Variants in SPINT2 observed in about 807,000 individuals in gnomAD.
SPINT2 encodes kunitz-type protease inhibitor 2.
A neutral mutation model predicts 30.1 loss-of-function variants in SPINT2; 18 were observed. The ratio of observed to expected loss-of-function variants is 0.60; its 90% CI spans 0.41 to 0.89. SPINT2 has a LOEUF of 0.89. Among genes scored for constraint, SPINT2 ranks in the 40% least tolerant of loss-of-function variants. SPINT2 has a pLI of 0.00. For synonymous variants in SPINT2, 139 were observed against 137.9 expected, an observed-to-expected ratio of 1.01 and a Z score of -0.05; for missense variants, 276 against 334.3, an observed-to-expected ratio of 0.83 and a Z score of 1.36.
intron 1 of SPINT2, among the ~76,000 whole-genome samples, chr19:38,282,578 CAAG>C (rs2146274143): frequency 6.6e-6 from 1 of 152,320 alleles, no homozygotes; most frequent in East Asian, 1.9e-4. Flanking sequence ...CGACCTTTTG[CAAG>C]AAGTGTTTCT....
At chr19:38,276,249 C>T (rs1352132869) in intron 1 of SPINT2, among the ~76,000 whole-genome samples, 3 of 152,132 alleles carry the variant, frequency 2.0e-5, no homozygotes, top group Non-Finnish European at 4.4e-5. Flanking sequence ...CTGTCCTGCA[C>T]GTGGTGAGGC....
chr19:38,285,028 A>G (rs1033079672), intron 2 of SPINT2, among the ~76,000 whole-genome samples: 1 of 152,046 alleles, frequency 6.6e-6, no homozygotes, highest in Non-Finnish European at 1.5e-5. Flanking sequence ...TATTTGGGTT[A>G]TTTTTAATTG....
At chr19:38,270,246 T>A (rs1857571287) in intron 1 of SPINT2, among the ~76,000 whole-genome samples, 1 of 152,208 alleles carries the variant, frequency 6.6e-6, no homozygotes, top group Admixed American at 6.5e-5. Context: ...GTGTTGGCGA[T>A]CAGCTGGGAA....
intron 1 of SPINT2, among the ~76,000 whole-genome samples, chr19:38,270,560 A>C (rs1968442537): frequency 6.6e-6 from 1 of 152,242 alleles, no homozygotes; most frequent in Non-Finnish European, 1.5e-5. Flanking sequence ...TTAGCACTGA[A>C]AATGGGGGCT....
chr19:38,288,186 G>A (rs1968665868), intron 3 of SPINT2, among the ~76,000 whole-genome samples: 1 of 152,170 alleles, frequency 6.6e-6, no homozygotes, highest in African/African-American at 2.4e-5. Context: ...TCTCCTCCTG[G>A]AGGATGGGAT....
intron 1 of SPINT2, chr19:38,265,566 C>T (rs947159126): frequency 6.5e-6 from 1 of 152,736 alleles, no homozygotes; most frequent in Non-Finnish European, 1.5e-5. Context: ...GGAAGCTCTG[C>T]TAAGGCTCGA....
rs189611880 is a variant in SPINT2 at position 38,290,802 on chromosome 19, C to T, written c.592+227C>T. 2,051 of 646,498 alleles carry T rather than the reference C, an allele frequency of 3.2e-3. 62 individuals carry two copies. The Admixed American group carries it at 0.044, about 14-fold the overall frequency. 40.0% of individuals were successfully genotyped at this position (646,498 alleles called of 1,614,324 possible). A position where few individuals can be genotyped will look rare whatever the true frequency, so the allele number is the denominator to read the frequency against. ...CACAAGGCAGGCCCTGCCCAGGCGG[C>T]GTGGGTGACTGGGGATGAGGTCTTC... On this transcript the variant is annotated intron_variant, in intron 6 of 6. Transcript: ENST00000301244. This position sits in a 1 kb window ranked among gnomAD's most constrained non-coding sequence, Gnocchi z 4.3.
chr19:38,282,426 C>T (rs111261436), intron 1 of SPINT2, among the ~76,000 whole-genome samples: 21,056 of 152,090 alleles, frequency 0.14, 1,576 homozygotes, highest in South Asian at 0.22. Flanking sequence ...GGGTGATAAC[C>T]GTGATACAGG....
intron 2 of SPINT2, among the ~76,000 whole-genome samples, chr19:38,285,714 C>T (rs545694700): frequency 2.0e-4 from 31 of 152,204 alleles, no homozygotes; most frequent in South Asian, 1.7e-3. Context: ...ATATTTTCAG[C>T]GGCACTCCCC....
intron 1 of SPINT2, among the ~76,000 whole-genome samples, chr19:38,267,450 G>A (rs1287562881): frequency 5.3e-5 from 8 of 152,126 alleles, no homozygotes; most frequent in African/African-American, 1.9e-4. Context: ...GGTTGGTCAA[G>A]GAATTTATTC....
chr19:38,276,472 T>A (rs1034324321), intron 1 of SPINT2, among the ~76,000 whole-genome samples: 1 of 151,834 alleles, frequency 6.6e-6, no homozygotes, highest in East Asian at 2.0e-4. Context: ...TGAAACCCTG[T>A]CTCTACTAAA....
At chr19:38,270,582 A>C (rs1434348732) in intron 1 of SPINT2, among the ~76,000 whole-genome samples, 2 of 152,142 alleles carry the variant, frequency 1.3e-5, no homozygotes, top group Non-Finnish European at 2.9e-5. Context: ...CTGAGGTTCA[A>C]ATGGTTGCAG....
At chr19:38,279,270 AG>A (rs1968553361) in intron 1 of SPINT2, among the ~76,000 whole-genome samples, 1 of 151,742 alleles carries the variant, frequency 6.6e-6, no homozygotes, top group African/African-American at 2.4e-5. Flanking sequence ...AACCCGAGGC[AG>A]GTGGATCACC....
chr19:38,284,234 C>T lies in SPINT2; in HGVS notation c.277+437C>T, dbSNP rs1262009124. On this transcript the variant is annotated intron_variant, in intron 2 of 6. Coordinates refer to ENST00000301244, the MANE Select transcript of SPINT2 (RefSeq NM_021102.4). Reference sequence around the variant, plus strand: ...TCAGCCTCCTGAGTAGTTGGGACTACAGGCACATGCCACCACACCTTGCTC... The same window carrying T: ...TCAGCCTCCTGAGTAGTTGGGACTATAGGCACATGCCACCACACCTTGCTC... Among the ~76,000 whole-genome samples the T allele has an allele frequency of 2.0e-5, 3 of 152,036 alleles. No homozygotes were observed. The East Asian group carries it at 5.8e-4, about 30-fold the overall frequency.
chr19:38,271,315 AC>A (rs1568338751), intron 1 of SPINT2, among the ~76,000 whole-genome samples: 2 of 142,750 alleles, frequency 1.4e-5, no homozygotes, highest in African/African-American at 5.3e-5. Context: ...CACGGTGAAA[AC>A]CCGTTTCTAC....
At chr19:38,269,121 C>T (rs558326392) in intron 1 of SPINT2, among the ~76,000 whole-genome samples, 6 of 151,798 alleles carry the variant, frequency 4.0e-5, no homozygotes, top group South Asian at 4.1e-4. Context: ...TTTTTTGAGA[C>T]GGAGTCTCTC....
chr19:38,273,423 G>T (rs778691021), intron 1 of SPINT2, among the ~76,000 whole-genome samples: 3 of 151,918 alleles, frequency 2.0e-5, no homozygotes, highest in Non-Finnish European at 2.9e-5. Context: ...CTGTTTTCTT[G>T]AACTCCTGAC....
At chr19:38,275,590 T>A (rs1055433861) in intron 1 of SPINT2, among the ~76,000 whole-genome samples, 3 of 152,136 alleles carry the variant, frequency 2.0e-5, no homozygotes, top group Admixed American at 6.6e-5. Context: ...GCCAAAAAAA[T>A]TTTTTTATTT....
chr19:38,276,212 G>A (rs143448900), intron 1 of SPINT2, among the ~76,000 whole-genome samples: 1 of 152,316 alleles, frequency 6.6e-6, no homozygotes, highest in Non-Finnish European at 1.5e-5. Context: ...AGGAGGAGAA[G>A]CATTTCAGGA....
Sources: allele counts gnomAD v4.1 joint callset (sites outside exome capture counted in the v4.1 genomes callset), GRCh38; gene constraint gnomAD v4.1.1; non-coding constraint Gnocchi (gnomAD v3.1); transcripts MANE v1.5; gene names NCBI Gene and HGNC (gene_info 2026-07-23, HGNC 2026-07-21).